Variants in SPATA17 observed in about 807,000 individuals in gnomAD.
SPATA17 encodes spermatogenesis-associated protein 17.
In SPATA17, 53 loss-of-function variants were observed where a neutral mutation model predicts 62.2. The observed-to-expected ratio is 0.85, with a 90% confidence interval of 0.68 to 1.07. The LOEUF is 1.07. Among genes scored for constraint, SPATA17 ranks in the 50% least tolerant of loss-of-function variants. The pLI is 0.00. For missense variants in SPATA17, 466 were observed against 425.5 expected (o/e 1.10, Z -0.84); for synonymous variants, 146 against 146.8 (o/e 0.99, Z 0.04).
At chr1:217,787,259 T>C (rs919757719) in intron 8 of SPATA17, among the ~76,000 whole-genome samples, 2 of 152,164 alleles carry the variant, frequency 1.3e-5, no homozygotes, top group African/African-American at 4.8e-5. Flanking sequence ...TCAGTGCATT[T>C]TACCAGACAA....
At chr1:217,651,856 T>C (rs1484420994) in intron 3 of SPATA17, among the ~76,000 whole-genome samples, 2 of 152,224 alleles carry the variant, frequency 1.3e-5, no homozygotes, top group Admixed American at 6.5e-5. Context: ...TTATTTAATT[T>C]GTATGTTAGG....
At chr1:217,799,518 T>G (rs947632825) in intron 8 of SPATA17, among the ~76,000 whole-genome samples, 1 of 152,176 alleles carries the variant, frequency 6.6e-6, no homozygotes, top group African/African-American at 2.4e-5. Context: ...CTATCTTATA[T>G]GAGAGCTCTT....
chr1:217,631,489 T>G, intron 1 of SPATA17, 43 bp downstream of exon 1: 1 of 1,595,804 alleles, frequency 6.3e-7, no homozygotes. Context: ...CGGGCGTGAC[T>G]TTATACCAGT....
At chr1:217,739,577 A>T (rs1055685726) in intron 5 of SPATA17, 1 of 152,194 alleles carries the variant, frequency 6.6e-6, no homozygotes, top group African/African-American at 2.4e-5. Context: ...AAATCTCCAG[A>T]TTAAAAATAT....
At chr1:217,750,556 T>C (rs951095303) in intron 6 of SPATA17, among the ~76,000 whole-genome samples, 1 of 152,236 alleles carries the variant, frequency 6.6e-6, no homozygotes, top group Admixed American at 6.5e-5. Context: ...TCTTAATTCG[T>C]ACATTCCCTG....
intron 5 of SPATA17, among the ~76,000 whole-genome samples, chr1:217,703,934 T>C (rs1671664036): frequency 6.6e-6 from 1 of 152,188 alleles, no homozygotes; most frequent in South Asian, 2.1e-4. Context: ...ACTGAGTTTT[T>C]ATTTTCAATG....
At chr1:217,814,621 G>T (rs935763951) in intron 9 of SPATA17, among the ~76,000 whole-genome samples, 2 of 152,106 alleles carry the variant, frequency 1.3e-5, no homozygotes, top group African/African-American at 2.4e-5. Context: ...GCTGAGGCAG[G>T]AGGATGTCTT....
chr1:217,735,177 A>G (rs546909318), intron 5 of SPATA17, among the ~76,000 whole-genome samples: 66 of 152,324 alleles, frequency 4.3e-4, no homozygotes, highest in African/African-American at 1.5e-3. Flanking sequence ...CTTGACCTTC[A>G]GGACCGGTCT....
At chr1:217,801,166 G>C (rs1174263539) in intron 8 of SPATA17, among the ~76,000 whole-genome samples, 1 of 152,036 alleles carries the variant, frequency 6.6e-6, no homozygotes, top group African/African-American at 2.4e-5. Context: ...GGAAGTCAAG[G>C]CTCATTCAGG....
chr1:217,658,021 G>A (rs1192088004), intron 3 of SPATA17, among the ~76,000 whole-genome samples: 2 of 152,150 alleles, frequency 1.3e-5, no homozygotes, highest in Non-Finnish European at 2.9e-5. Context: ...TATCTATGAG[G>A]ACAGTATGAG....
chr1:217,712,333 T>C (rs528325704), intron 5 of SPATA17, among the ~76,000 whole-genome samples: 299 of 151,934 alleles, frequency 2.0e-3, no homozygotes, highest in African/African-American at 7.0e-3. Flanking sequence ...TCCATGTTGG[T>C]CAGGCTGGTC....
chr1:217,646,032 CTT>C (rs1474392733), intron 1 of SPATA17, among the ~76,000 whole-genome samples: 1 of 152,104 alleles, frequency 6.6e-6, no homozygotes, highest in Non-Finnish European at 1.5e-5. Flanking sequence ...GATTATCAAA[CTT>C]TGGAGATATG....
intron 9 of SPATA17, among the ~76,000 whole-genome samples, chr1:217,819,321 G>C (rs1240907032): frequency 1.3e-5 from 2 of 151,866 alleles, no homozygotes; most frequent in Non-Finnish European, 2.9e-5. Context: ...ATGTTGTAGG[G>C]AAGAAGAGGG....
intron 3 of SPATA17, among the ~76,000 whole-genome samples, chr1:217,655,663 A>C (rs1281619726): frequency 6.6e-6 from 1 of 151,852 alleles, no homozygotes; most frequent in Non-Finnish European, 1.5e-5. Flanking sequence ...CCTCTCTTCC[A>C]TTTATTTATT....
chr1:217,838,883 A>G lies in SPATA17; in HGVS notation c.1006-23891A>G, dbSNP rs116066752. Among the ~76,000 whole-genome samples, 1,235 of 152,232 alleles carry G rather than the reference A, an allele frequency of 8.1e-3. 18 individuals are homozygous for G. The highest frequency in any genetic ancestry group is 0.029 in the African/African-American group (1,196 of 41,558). On this transcript the variant is annotated intron_variant, in intron 9 of 10. Coordinates refer to ENST00000366933, the MANE Select transcript of SPATA17 (RefSeq NM_138796.4). ...CATAGTTGAGAGAAATCATTATACA[A>G]TCATAGAAGTATATGAAATCACTGT... is the stretch of plus-strand genomic sequence containing the variant.
chr1:217,827,462 A>C (rs146000897), intron 9 of SPATA17, among the ~76,000 whole-genome samples: 1 of 152,124 alleles, frequency 6.6e-6, no homozygotes, highest in Non-Finnish European at 1.5e-5. Flanking sequence ...GTGGAAGACA[A>C]CATGGCAATT....
rs188329015 is a variant in SPATA17 at position 217,810,928 on chromosome 1, C to T, written c.1005+9078C>T. ...CAATCACCTCCTGCCAGATCCCTCC[C>T]TTGACACATGGGGATTAAAATTTTA... On this transcript the variant is annotated intron_variant, in intron 9 of 10. Transcript: ENST00000366933. Among the ~76,000 whole-genome samples the T allele has an allele frequency of 2.0e-5, 3 of 152,236 alleles. No homozygotes were observed. In the East Asian group the frequency reaches 5.8e-4, roughly 29 times the overall value.
chr1:217,802,132 T>C (rs1674328371), intron 9 of SPATA17, among the ~76,000 whole-genome samples: 1 of 152,034 alleles, frequency 6.6e-6, no homozygotes, highest in Non-Finnish European at 1.5e-5. Context: ...GGCTTGAGTA[T>C]GAGGTCACAG....
chr1:217,697,342 C>A lies in SPATA17; in HGVS notation c.395+13981C>A, dbSNP rs566279361. On this transcript the variant is annotated intron_variant, in intron 5 of 10. Coordinates refer to ENST00000366933, the MANE Select transcript of SPATA17 (RefSeq NM_138796.4). ...AAGATTTTCATCACTTTCTTGGAAT[C>A]CAGAAATGCATTACAATTTATGTGT... 2.6e-5 allele frequency among the ~76,000 whole-genome samples: 4 copies of A among 152,258 alleles called. No homozygotes were observed. The South Asian group carries it at 8.3e-4, about 32-fold the overall frequency.
Sources: allele counts gnomAD v4.1 joint callset (sites outside exome capture counted in the v4.1 genomes callset), GRCh38; gene constraint gnomAD v4.1.1; transcripts MANE v1.5; gene names NCBI Gene and HGNC (gene_info 2026-07-23, HGNC 2026-07-21).